Variants in ZDHHC21 observed in about 807,000 individuals in gnomAD.
ZDHHC21 encodes the protein palmitoyltransferase ZDHHC21.
A neutral mutation model predicts 34.6 loss-of-function variants in ZDHHC21; 15 were observed. The observed-to-expected ratio is 0.43, with a 90% confidence interval of 0.29 to 0.67. The LOEUF (loss-of-function observed/expected upper bound fraction) is 0.67, where lower values mean the gene tolerates loss of function less well. Ranked by LOEUF, ZDHHC21 falls within the 30% of genes least tolerant of loss-of-function variation. The pLI, the probability that ZDHHC21 is intolerant of heterozygous loss-of-function variation, is 0.14. For synonymous variants in ZDHHC21, 142 were observed against 101.8 expected, an observed-to-expected ratio of 1.40 and a Z score of -2.38; for missense variants, 344 against 327.7, an observed-to-expected ratio of 1.05 and a Z score of -0.38.
chr9:14,639,653 T>C (rs7850068), intron 8 of ZDHHC21, among the ~76,000 whole-genome samples: 145,103 of 152,168 alleles, frequency 0.95, 69,217 homozygotes, highest in Middle Eastern at 0.99. Flanking sequence ...TAAAAAACTA[T>C]AAACGTGATG....
In ZDHHC21 at chr9:14,616,542, C is replaced by A. The variant is rs1325153811; in HGVS notation, c.*2424G>T. 1 of 151,600 alleles carries A rather than the reference C, an allele frequency of 6.6e-6. No individual in the cohort carries two copies. Among genetic ancestry groups the A allele is most frequent in the Non-Finnish European group, 1.5e-5 (1 of 67,756 alleles). 9.4% of individuals were successfully genotyped at this position (151,600 alleles called of 1,614,324 possible). On this transcript the variant is annotated 3_prime_UTR_variant, in exon 10 of 10. Transcript: ENST00000380916. The stretch of plus-strand genomic sequence containing the variant: ...CTTATGGGGCAGTAAATCTTTAGAG[C>A]CAGTATAATTACATCAATTAGCCAA...
downstream of ZDHHC21, among the ~76,000 whole-genome samples, chr9:14,606,513 G>C (rs1018650453): frequency 4.6e-5 from 7 of 152,142 alleles, no homozygotes; most frequent in Non-Finnish European, 8.8e-5. Flanking sequence ...GCCAGCCATA[G>C]AATCTTCCAG....
At chr9:14,651,312 T>C (rs1831201422) in intron 7 of ZDHHC21, among the ~76,000 whole-genome samples, 1 of 151,904 alleles carries the variant, frequency 6.6e-6, no homozygotes, top group African/African-American at 2.4e-5. Flanking sequence ...TATTTAATAT[T>C]ATTAATCCTA....
At chr9:14,663,130 A>G (rs755336587) in intron 5 of ZDHHC21, among the ~76,000 whole-genome samples, 8 of 152,202 alleles carry the variant, frequency 5.3e-5, no homozygotes, top group Non-Finnish European at 1.0e-4. Context: ...TGTCCTAATT[A>G]GGTCCGCGAA....
intron 8 of ZDHHC21, among the ~76,000 whole-genome samples, chr9:14,627,566 T>G (rs997735237): frequency 6.6e-6 from 1 of 152,100 alleles, no homozygotes; most frequent in African/African-American, 2.4e-5. Flanking sequence ...TCACCACAAC[T>G]GAGAAAATCT....
At chr9:14,693,106 T>A (rs1203528846) in intron 1 of ZDHHC21, 123 bp downstream of exon 1, 1 of 191,254 alleles carries the variant, frequency 5.2e-6, no homozygotes, top group Non-Finnish European at 1.0e-5. Context: ...GGTGAGGGCG[T>A]CCCGGCGCGG....
chr9:14,647,587 C>A (rs534642455), intron 7 of ZDHHC21, among the ~76,000 whole-genome samples: 1 of 152,212 alleles, frequency 6.6e-6, no homozygotes, highest in South Asian at 2.1e-4. Flanking sequence ...TTCCTTGGCC[C>A]AACCACCATG....
At chr9:14,678,890 C>T (rs1363738113) in intron 3 of ZDHHC21, among the ~76,000 whole-genome samples, 1 of 151,892 alleles carries the variant, frequency 6.6e-6, no homozygotes, top group Non-Finnish European at 1.5e-5. Context: ...ATATAACTAC[C>T]CACAACATAC....
chr9:14,658,107 T>C, intron 7 of ZDHHC21, among the ~76,000 whole-genome samples: 1 of 152,200 alleles, frequency 6.6e-6, no homozygotes, highest in East Asian at 1.9e-4. Flanking sequence ...TTTGAGAACC[T>C]TTAAAAATTA....
intron 5 of ZDHHC21, among the ~76,000 whole-genome samples, chr9:14,666,421 T>C (rs941840165): frequency 1.5e-4 from 16 of 108,282 alleles, no homozygotes; most frequent in Middle Eastern, 4.5e-3. Flanking sequence ...CACCCCACTG[T>C]CAACATTAGA....
chr9:14,662,262 A>G lies in ZDHHC21; in HGVS notation c.318T>C (p.Cys106=), dbSNP rs17215796. Residue 106 remains cysteine (C), a synonymous_variant, in exon 6 of 10, where the codon TGT becomes TGC. Transcript: ENST00000380916. ...NLMRPKRSHH[C]SRCGHCVRRM... is the part of the protein sequence containing the mutation. The stretch of plus-strand genomic sequence containing the variant: ...TCCTCACACAGTGGCCGCAGCGGCT[A>G]CAGTGATGGGAACGCTTTGGTCTCA... 227,484 of 1,611,824 alleles carry G rather than the reference A, an allele frequency of 0.14. 17,552 individuals carry two copies. The highest frequency in any genetic ancestry group is 0.17 in the Admixed American group (10,313 of 59,584).
At chr9:14,657,053 G>A (rs951378627) in intron 7 of ZDHHC21, among the ~76,000 whole-genome samples, 1 of 151,714 alleles carries the variant, frequency 6.6e-6, no homozygotes, top group Non-Finnish European at 1.5e-5. Flanking sequence ...TTTAAAAAAA[G>A]GTGACTGTCT....
At chr9:14,650,298 T>G (rs1339300761) in intron 7 of ZDHHC21, among the ~76,000 whole-genome samples, 1 of 151,958 alleles carries the variant, frequency 6.6e-6, no homozygotes, top group Non-Finnish European at 1.5e-5. Flanking sequence ...ATATCTCTAG[T>G]AGCATCTCAG....
At chr9:14,684,586 A>G (rs1226333783) in intron 2 of ZDHHC21, among the ~76,000 whole-genome samples, 13 of 151,854 alleles carry the variant, frequency 8.6e-5, no homozygotes, top group Admixed American at 8.5e-4. Context: ...TTCCATGCTC[A>G]TGGGTAGGAA....
chr9:14,633,443 C>A (rs1444485005), intron 8 of ZDHHC21, among the ~76,000 whole-genome samples: 3 of 152,154 alleles, frequency 2.0e-5, no homozygotes, highest in African/African-American at 7.2e-5. Context: ...CTAATGGGAG[C>A]TACCTGGAGA....
At chr9:14,688,182 G>C (rs969560981) in intron 2 of ZDHHC21, among the ~76,000 whole-genome samples, 2 of 150,822 alleles carry the variant, frequency 1.3e-5, no homozygotes, top group African/African-American at 2.5e-5. Context: ...CACTTTCCAA[G>C]CTTTAGTTTC....
chr9:14,601,655 C>A, the ZDHHC21 span, among the ~76,000 whole-genome samples: 40 of 152,196 alleles, frequency 2.6e-4, no homozygotes, highest in African/African-American at 8.7e-4. Flanking sequence ...GGTATATACC[C>A]AAAGGATTAT....
At chr9:14,640,962 G>A (rs1171314480) in intron 7 of ZDHHC21, among the ~76,000 whole-genome samples, 1 of 152,076 alleles carries the variant, frequency 6.6e-6, no homozygotes, top group East Asian at 1.9e-4. Flanking sequence ...GACTTCTCCT[G>A]GAAATCTGCT....
At chr9:14,606,676 G>A (rs1291025940), downstream of ZDHHC21, among the ~76,000 whole-genome samples, 1 of 151,982 alleles carries the variant, frequency 6.6e-6, no homozygotes, top group Non-Finnish European at 1.5e-5. Context: ...TATAGCAAAA[G>A]CAACTGGAAC....
Sources: gnomAD v4.1 joint callset for allele counts (sites outside exome capture counted in the v4.1 genomes callset) on GRCh38, gnomAD v4.1.1 for gene constraint, MANE v1.5 for transcripts, NCBI Gene and HGNC (gene_info 2026-07-23, HGNC 2026-07-21) for gene names.